The following CHST11 variants were observed in gnomAD, a reference collection of about 807,000 sequenced individuals.
CHST11 encodes the protein carbohydrate sulfotransferase 11, also known as C4S-1.
In CHST11, 9 loss-of-function variants were observed where a neutral mutation model predicts 30.4. The observed-to-expected ratio is 0.30, with a 90% CI of 0.18 to 0.52. CHST11 has a LOEUF of 0.52. Among genes scored for constraint, CHST11 ranks in the 20% least tolerant of loss-of-function variants. The pLI, the probability that CHST11 is intolerant of heterozygous loss-of-function variation, is 0.97. For synonymous variants in CHST11, 152 were observed against 187.8 expected (o/e 0.81, Z 1.56); for missense variants, 348 against 460.6 (o/e 0.76, Z 2.24).
At chr12:104,541,045 C>T (rs938536118) in intron 1 of CHST11, among the ~76,000 whole-genome samples, 2 of 151,918 alleles carry the variant, frequency 1.3e-5, no homozygotes, top group East Asian at 1.9e-4. Context: ...CCTGAGGTAT[C>T]CAACACACTA....
chr12:104,507,153 T>C (rs1306936531), intron 1 of CHST11, among the ~76,000 whole-genome samples: 1 of 152,120 alleles, frequency 6.6e-6, no homozygotes, highest in East Asian at 1.9e-4. Flanking sequence ...AGCTCAGGTG[T>C]GCCGGGCTCC....
At position 104,633,648 on chromosome 12, in the gene CHST11, C is replaced by T. The variant is rs1428235965; in HGVS notation, c.204+31657C>T. On this transcript the variant is annotated intron_variant, in intron 2 of 2. Transcript: ENST00000303694. ...GCCAGGCTGGTCTTGAACTCCTGAC[C>T]AGGAGTTCCGCCTGCCTCGGCCTCC... is the stretch of plus-strand genomic sequence containing the variant. Among the ~76,000 whole-genome samples, 5 of 152,082 alleles carry T rather than the reference C, an allele frequency of 3.3e-5. No homozygotes were observed. The East Asian group carries it at 9.7e-4, about 29-fold the overall frequency.
intron 2 of CHST11, among the ~76,000 whole-genome samples, chr12:104,688,451 G>A (rs1205757812): frequency 6.6e-6 from 1 of 152,166 alleles, no homozygotes; most frequent in Non-Finnish European, 1.5e-5. Context: ...CAGATAGCAA[G>A]GCTCAAGAGC....
chr12:104,646,653 TGC>T (rs1225018114), intron 2 of CHST11, among the ~76,000 whole-genome samples: 11 of 152,006 alleles, frequency 7.2e-5, no homozygotes, highest in Admixed American at 6.5e-4. Context: ...GAGCCGAGAT[TGC>T]GCCACTGCAC....
chr12:104,756,532 GGTGTGT>G (rs113577198), intron 2 of CHST11, among the ~76,000 whole-genome samples: 5 of 143,292 alleles, frequency 3.5e-5, no homozygotes, highest in African/African-American at 1.3e-4. Context: ...ATCCATGTGG[GGTGTGT>G]GTGTGTGTGT....
intron 2 of CHST11, among the ~76,000 whole-genome samples, chr12:104,660,453 T>C: frequency 6.6e-6 from 1 of 152,226 alleles, no homozygotes; most frequent in Non-Finnish European, 1.5e-5. Flanking sequence ...AACATGGCTA[T>C]GGTAGTTTCT....
intron 1 of CHST11, among the ~76,000 whole-genome samples, chr12:104,531,144 T>C (rs2038179146): frequency 1.3e-5 from 2 of 152,154 alleles, no homozygotes; most frequent in South Asian, 2.1e-4. Flanking sequence ...GAAGAATCGC[T>C]CAAAGATGAT....
At chr12:104,504,870 G>A (rs773298826) in intron 1 of CHST11, among the ~76,000 whole-genome samples, 7 of 152,112 alleles carry the variant, frequency 4.6e-5, no homozygotes, top group Non-Finnish European at 8.8e-5. Flanking sequence ...TGGTTGGAGT[G>A]GGGGAGGGGG....
chr12:104,650,724 T>C (rs947180783), intron 2 of CHST11, among the ~76,000 whole-genome samples: 3 of 152,140 alleles, frequency 2.0e-5, no homozygotes, highest in Admixed American at 1.3e-4. Flanking sequence ...TAGGCTGGAA[T>C]TGGAAATGGA....
intron 1 of CHST11, among the ~76,000 whole-genome samples, chr12:104,504,339 G>A (rs1209645902): frequency 6.6e-6 from 1 of 152,244 alleles, no homozygotes; most frequent in African/African-American, 2.4e-5. Context: ...TCTCACCGGG[G>A]TGGACTCAGG....
intron 2 of CHST11, among the ~76,000 whole-genome samples, chr12:104,617,943 C>T (rs1457537057): frequency 3.3e-5 from 5 of 150,970 alleles, no homozygotes; most frequent in Non-Finnish European, 7.4e-5. Flanking sequence ...GAGTCTCACT[C>T]TATTGCCCAG....
chr12:104,514,685 G>A (rs189916916), intron 1 of CHST11, among the ~76,000 whole-genome samples: 1 of 152,148 alleles, frequency 6.6e-6, no homozygotes, highest in Non-Finnish European at 1.5e-5. Flanking sequence ...TGGTGAGGGA[G>A]GGAGCAAGAG....
intron 2 of CHST11, among the ~76,000 whole-genome samples, chr12:104,735,074 A>C (rs1209424931): frequency 6.6e-6 from 1 of 152,224 alleles, no homozygotes; most frequent in Non-Finnish European, 1.5e-5. Flanking sequence ...TGAGCAAGGC[A>C]ACAGTCCTGA....
At position 104,761,501 on chromosome 12, in the gene CHST11, A is replaced by ACAC. The variant is rs10695562; in HGVS notation, c.*3698_*3699insCAC. On this transcript the variant is annotated 3_prime_UTR_variant, in exon 3 of 3. Transcript: ENST00000303694. ...CACACACACACACACACACACACAC[A>ACAC]ATCTCAGCTGCGCCATTCTGTGCAA... is the stretch of plus-strand genomic sequence containing the variant. 1.4e-5 allele frequency: 2 copies of ACAC among 144,510 alleles called. No individual in the cohort carries two copies. The highest frequency in any genetic ancestry group is 5.1e-5 in the African/African-American group (2 of 38,976). The allele number at this position is 144,510 out of a possible 1,614,324, so 9.0% of individuals were successfully genotyped here.
intron 2 of CHST11, among the ~76,000 whole-genome samples, chr12:104,688,495 C>T (rs558961133): frequency 1.4e-4 from 21 of 152,256 alleles, no homozygotes; most frequent in African/African-American, 3.4e-4. Context: ...GCTAGATTGA[C>T]GTATTGGGAA....
At chr12:104,462,400 C>T (rs1289310451) in intron 1 of CHST11, among the ~76,000 whole-genome samples, 1 of 151,850 alleles carries the variant, frequency 6.6e-6, no homozygotes, top group Non-Finnish European at 1.5e-5. Context: ...GTATTTTAGA[C>T]AAATACATCA....
At chr12:104,654,171 T>C (rs2039520469) in intron 2 of CHST11, among the ~76,000 whole-genome samples, 1 of 152,116 alleles carries the variant, frequency 6.6e-6, no homozygotes, top group Admixed American at 6.5e-5. Flanking sequence ...GCTTTTTGAA[T>C]ACAGGGCCAG....
At chr12:104,682,204 G>C (rs2039804145) in intron 2 of CHST11, among the ~76,000 whole-genome samples, 2 of 152,164 alleles carry the variant, frequency 1.3e-5, no homozygotes, top group South Asian at 4.1e-4. Flanking sequence ...TGTGGGATTG[G>C]GCTCTACTGG....
intron 2 of CHST11, among the ~76,000 whole-genome samples, chr12:104,690,843 A>G (rs2039890397): frequency 1.3e-5 from 2 of 152,204 alleles, no homozygotes; most frequent in South Asian, 4.1e-4. Context: ...ATAAAAATAA[A>G]ATAAAAGAGA....
Sources: gnomAD v4.1 joint callset for allele counts (sites outside exome capture counted in the v4.1 genomes callset) on GRCh38, gnomAD v4.1.1 for gene constraint, MANE v1.5 for transcripts, NCBI Gene and HGNC (gene_info 2026-07-23, HGNC 2026-07-21) for gene names.